The following ZSWIM6 variants were observed in gnomAD, a reference collection of about 807,000 sequenced individuals.
ZSWIM6 encodes the protein zinc finger SWIM-type containing 6.
In ZSWIM6, 9 loss-of-function variants were observed where a neutral mutation model predicts 113.2. That is an observed-to-expected ratio of 0.08 (90% CI 0.05 to 0.14). The LOEUF (loss-of-function observed/expected upper bound fraction) is 0.14, where lower values mean the gene tolerates loss of function less well. Ranked by LOEUF, ZSWIM6 falls within the 10% of genes least tolerant of loss-of-function variation. The probability of loss-of-function intolerance (pLI) is 1.00; values close to 1 mark genes in which losing one functional copy is unlikely to be tolerated. For synonymous variants in ZSWIM6, 611 were observed against 606.5 expected (o/e 1.01, Z -0.11); for missense variants, 1,162 against 1,552.2 (o/e 0.75, Z 4.22).
intron 4 of ZSWIM6, among the ~76,000 whole-genome samples, chr5:61,513,970 A>G (rs964922854): frequency 1.3e-5 from 2 of 152,090 alleles, no homozygotes; most frequent in Non-Finnish European, 2.9e-5. Context: ...TATACACACA[A>G]ACACTGGCTA....
At chr5:61,423,802 G>C (rs1308504462) in intron 1 of ZSWIM6, among the ~76,000 whole-genome samples, 5 of 152,196 alleles carry the variant, frequency 3.3e-5, no homozygotes, top group Admixed American at 3.3e-4. Flanking sequence ...TTCTTCATAT[G>C]TTTGAAAGTT....
At chr5:61,520,195 A>G (rs1362080409) in intron 4 of ZSWIM6, among the ~76,000 whole-genome samples, 1 of 152,170 alleles carries the variant, frequency 6.6e-6, no homozygotes, top group African/African-American at 2.4e-5. Flanking sequence ...TAAAACATAA[A>G]CAGTTTTCAT....
chr5:61,435,766 A>G (rs1274170331), intron 1 of ZSWIM6, among the ~76,000 whole-genome samples: 11 of 152,212 alleles, frequency 7.2e-5, no homozygotes, highest in Admixed American at 5.9e-4. Context: ...TTTTGGTGGT[A>G]GTTTTAGATG....
chr5:61,453,369 T>A (rs1479735597), intron 1 of ZSWIM6, among the ~76,000 whole-genome samples: 1 of 134,992 alleles, frequency 7.4e-6, no homozygotes, highest in Non-Finnish European at 1.6e-5. Flanking sequence ...TTACGTCCAC[T>A]CTCTCTCTCT....
In ZSWIM6 at chr5:61,506,531, G is replaced by A. The variant is rs549449542; in HGVS notation, c.1333+12121G>A. On this transcript the variant is annotated intron_variant, in intron 4 of 13. Transcript: ENST00000252744. The stretch of plus-strand genomic sequence containing the variant: ...AGAGGTTGCAATGAGCCAAGATCAC[G>A]CCACTGCACTCTAGCCTGGGCAACA... Among the ~76,000 whole-genome samples the A allele has an allele frequency of 2.8e-4, 43 of 151,820 alleles. 2 individuals are homozygous for A. In the South Asian group the frequency reaches 8.3e-3, roughly 29 times the overall value.
chr5:61,518,929 G>A (rs971060852), intron 4 of ZSWIM6, among the ~76,000 whole-genome samples: 9 of 151,794 alleles, frequency 5.9e-5, no homozygotes, highest in East Asian at 1.9e-4. Context: ...TAGGTCTAAC[G>A]TTTAAGTCTT....
intron 5 of ZSWIM6, among the ~76,000 whole-genome samples, chr5:61,521,895 T>C (rs1029501355): frequency 1.6e-4 from 25 of 152,108 alleles, no homozygotes; most frequent in African/African-American, 6.0e-4. Flanking sequence ...TAAAATGTAG[T>C]AAGGAAATAT....
intron 1 of ZSWIM6, chr5:61,375,723 G>A: frequency 1.9e-6 from 3 of 1,543,486 alleles, no homozygotes; most frequent in Non-Finnish European, 1.8e-6. Context: ...TTGAGGAGGT[G>A]CAAGCAAAAA....
At chr5:61,345,327 G>T (rs1744634236) in intron 1 of ZSWIM6, among the ~76,000 whole-genome samples, 1 of 152,202 alleles carries the variant, frequency 6.6e-6, no homozygotes, top group South Asian at 2.1e-4. Context: ...CTAGGTTTTA[G>T]TTGAAATATT....
chr5:61,541,770 C>T, intron 12 of ZSWIM6, 114 bp from the exon 13 acceptor site: 1 of 815,316 alleles, frequency 1.2e-6, no homozygotes, highest in Non-Finnish European at 1.9e-6. Flanking sequence ...ATGCTTTCAT[C>T]TTCCTGGTGG....
chr5:61,356,731 A>AATAT (rs55676864), intron 1 of ZSWIM6, among the ~76,000 whole-genome samples: 1 of 131,390 alleles, frequency 7.6e-6, no homozygotes, highest in Non-Finnish European at 1.6e-5. Context: ...CATAATATAT[A>AATAT]ATATATATTA....
chr5:61,453,467 C>T (rs2112159995), intron 1 of ZSWIM6, among the ~76,000 whole-genome samples: 1 of 151,656 alleles, frequency 6.6e-6, no homozygotes, highest in Non-Finnish European at 1.5e-5. Context: ...CCTGGACCTC[C>T]TGGGCTCAAG....
At chr5:61,399,710 C>T (rs1745907280) in intron 1 of ZSWIM6, among the ~76,000 whole-genome samples, 1 of 152,214 alleles carries the variant, frequency 6.6e-6, no homozygotes, top group Non-Finnish European at 1.5e-5. Context: ...GTCCTAAACA[C>T]TGTAATTGGT....
chr5:61,405,460 A>G (rs896587821), intron 1 of ZSWIM6, among the ~76,000 whole-genome samples: 2 of 152,172 alleles, frequency 1.3e-5, no homozygotes, highest in African/African-American at 4.8e-5. Flanking sequence ...CATCATCGTC[A>G]TGGAGAGGCT....
intron 1 of ZSWIM6, among the ~76,000 whole-genome samples, chr5:61,434,256 C>T (rs1746653555): frequency 6.7e-6 from 1 of 148,484 alleles, no homozygotes; most frequent in Non-Finnish European, 1.5e-5. Context: ...AAAATATGTA[C>T]ATTTTACTAT....
intron 1 of ZSWIM6, among the ~76,000 whole-genome samples, chr5:61,362,627 C>G (rs1009517322): frequency 4.6e-5 from 7 of 152,180 alleles, no homozygotes; most frequent in Admixed American, 2.6e-4. Context: ...TCTATCTGCC[C>G]TCTAAATGTT....
At chr5:61,534,909 T>C (rs759558951) in intron 9 of ZSWIM6, among the ~76,000 whole-genome samples, 16 of 152,216 alleles carry the variant, frequency 1.1e-4, no homozygotes, top group Non-Finnish European at 2.4e-4. Flanking sequence ...ATTCTTTTTA[T>C]TAATAATCAC....
chr5:61,521,443 G>A lies in ZSWIM6; in HGVS notation c.1513+1G>A. On this transcript the variant is annotated splice_donor_variant, in intron 5 of 13. Coordinates refer to ENST00000252744, the MANE Select transcript of ZSWIM6 (RefSeq NM_020928.2). LOFTEE classifies it high-confidence loss of function. ...CCTCAGGGTGCAAATGCCAACCAAG[G>A]TGAGTCTACCATAATGTTCTGCTTA... 1 of 1,455,624 alleles carries A rather than the reference G, an allele frequency of 6.9e-7. No individual in the cohort carries two copies. Among genetic ancestry groups the A allele is most frequent in the South Asian group, 1.5e-5 (1 of 68,526 alleles). The allele number at this position is 1,455,624 out of a possible 1,614,324, so 90.2% of individuals were successfully genotyped here. A position where few individuals can be genotyped will look rare whatever the true frequency, so the allele number is the denominator to read the frequency against.
Position 61,359,169 on chromosome 5 carries a change from G to T in ZSWIM6, c.676+26221G>T, listed in dbSNP as rs116465392. 3.6e-3 allele frequency among the ~76,000 whole-genome samples: 552 copies of T among 152,308 alleles called. 1 individual carries two copies. The highest frequency in any genetic ancestry group is 0.013 in the African/African-American group (533 of 41,560). Reference sequence around the variant, plus strand: ...AAGGCTCTGCAGTGGGAGTGGATCAGAGAGGGCATTCCATCCAGATATGGA... The same window carrying T: ...AAGGCTCTGCAGTGGGAGTGGATCATAGAGGGCATTCCATCCAGATATGGA... On this transcript the variant is annotated intron_variant, in intron 1 of 13. Transcript: ENST00000252744.
Sources: gnomAD v4.1 joint callset for allele counts (sites outside exome capture counted in the v4.1 genomes callset) on GRCh38, gnomAD v4.1.1 for gene constraint, MANE v1.5 for transcripts, NCBI Gene and HGNC (gene_info 2026-07-23, HGNC 2026-07-21) for gene names.